TENM3: variants seen among roughly 807,000 people sequenced by gnomAD.
TENM3 encodes the protein teneurin-3.
TENM3 carries 63 observed loss-of-function variants against 255.1 expected under a neutral mutation model. The ratio of observed to expected loss-of-function variants is 0.25; its 90% CI spans 0.20 to 0.30. The LOEUF is 0.30. Among genes scored for constraint, TENM3 ranks in the 10% least tolerant of loss-of-function variants. The pLI is 1.00. For synonymous variants in TENM3, 1,306 were observed against 1,322.3 expected, an observed-to-expected ratio of 0.99 and a Z score of 0.27; for missense variants, 2,929 against 3,461.1, an observed-to-expected ratio of 0.85 and a Z score of 3.86.
the TENM3 span, chr4:181,906,184 C>A: frequency 8.1e-6 from 2 of 246,694 alleles, no homozygotes; most frequent in South Asian, 1.0e-4. Flanking sequence ...TTAAGAAGTT[C>A]ATCATCTGTT....
chr4:181,854,458 T>G, the TENM3 span, among the ~76,000 whole-genome samples: 2 of 152,178 alleles, frequency 1.3e-5, no homozygotes, highest in African/African-American at 4.8e-5. Flanking sequence ...CAAACTACGG[T>G]ATCTTTCCCT....
intron 3 of TENM3, among the ~76,000 whole-genome samples, chr4:182,413,235 GA>G (rs911199374): frequency 2.2e-4 from 33 of 149,834 alleles, no homozygotes; most frequent in Non-Finnish European, 3.6e-4. Context: ...GGATAGGCAG[GA>G]AAAAAAAAGA....
chr4:181,847,052 T>C, the TENM3 span, among the ~76,000 whole-genome samples: 1 of 152,210 alleles, frequency 6.6e-6, no homozygotes, highest in African/African-American at 2.4e-5. Flanking sequence ...GCAATGACCT[T>C]ACTGTCCTGC....
chr4:182,032,723 T>C, the TENM3 span, among the ~76,000 whole-genome samples: 26 of 152,284 alleles, frequency 1.7e-4, no homozygotes, highest in African/African-American at 6.3e-4. Context: ...CTGCCTCAAT[T>C]TGATAACTTG....
At chr4:181,458,172 G>T in the TENM3 span, among the ~76,000 whole-genome samples, 15 of 151,880 alleles carry the variant, frequency 9.9e-5, no homozygotes, top group African/African-American at 3.6e-4. Context: ...TAAAAATCAA[G>T]ATAATATATT....
At chr4:181,873,107 G>T in the TENM3 span, among the ~76,000 whole-genome samples, 16 of 151,150 alleles carry the variant, frequency 1.1e-4, no homozygotes, top group African/African-American at 2.9e-4. Context: ...TCGCTTTGTC[G>T]CCCAGGCTGG....
At chr4:181,728,971 G>T in the TENM3 span, among the ~76,000 whole-genome samples, 2 of 152,140 alleles carry the variant, frequency 1.3e-5, no homozygotes, top group African/African-American at 4.8e-5. Context: ...TAACAAATGA[G>T]AAGTTATTCA....
At chr4:181,915,983 C>T in the TENM3 span, among the ~76,000 whole-genome samples, 1 of 152,106 alleles carries the variant, frequency 6.6e-6, no homozygotes, top group African/African-American at 2.4e-5. Context: ...AAGTAAAATC[C>T]TTCTGTGGCT....
the TENM3 span, among the ~76,000 whole-genome samples, chr4:182,133,143 T>C: frequency 1.2e-4 from 19 of 152,276 alleles, 1 homozygote; most frequent in Non-Finnish European, 2.4e-4. Context: ...ACTTTAAATC[T>C]GCAATATAAG....
chr4:182,615,042 A>AAT (rs1553999649), intron 4 of TENM3, among the ~76,000 whole-genome samples: 3 of 57,462 alleles, frequency 5.2e-5, no homozygotes, highest in Non-Finnish European at 1.2e-4. Context: ...AAAAAAAAAA[A>AAT]ATACATATAT....
intron 3 of TENM3, among the ~76,000 whole-genome samples, chr4:182,416,365 T>A (rs1770357205): frequency 6.6e-6 from 1 of 152,076 alleles, no homozygotes; most frequent in Non-Finnish European, 1.5e-5. Context: ...AAACAAAAAG[T>A]AGGCAGTGAG....
the TENM3 span, among the ~76,000 whole-genome samples, chr4:181,709,239 ACCTGCTACAGGTATTGTTTTG>A: frequency 5.3e-5 from 8 of 152,276 alleles, no homozygotes; most frequent in South Asian, 2.1e-4. Flanking sequence ...GTATTGTTTT[ACCTGCTACAGGTATTGTTTTG>A]CCTGCTACAG....
chr4:182,220,574 C>T (rs1012305958), intron 1 of TENM3, among the ~76,000 whole-genome samples: 1 of 151,962 alleles, frequency 6.6e-6, no homozygotes, highest in Non-Finnish European at 1.5e-5. Flanking sequence ...GCTGTGAGTC[C>T]GTGGCCCTGT....
At chr4:181,677,789 T>C in the TENM3 span, among the ~76,000 whole-genome samples, 1 of 152,112 alleles carries the variant, frequency 6.6e-6, no homozygotes, top group Non-Finnish European at 1.5e-5. Flanking sequence ...GAGTCTCATT[T>C]CATACTCGCA....
At position 182,161,712 on chromosome 4, in the gene TENM3, T is replaced by A. The variant is rs71636173; in HGVS notation, c.-76+16958T>A. 9.8e-4 allele frequency among the ~76,000 whole-genome samples: 7 copies of A among 7,148 alleles called. 1 individual carries two copies. In the South Asian group the frequency reaches 0.027, roughly 27 times the overall value. The allele number at this position is 7,148 out of a possible 152,430, so 4.7% of individuals were successfully genotyped here. ...ACAAATATATATGTATATATATACA[T>A]ATATATGTGTATATATATATACACA... is the stretch of plus-strand genomic sequence containing the variant. On this transcript the variant is annotated intron_variant, in intron 1 of 2. Coordinates refer to the TENM3 transcript ENST00000512480.
chr4:181,798,521 C>T, the TENM3 span, among the ~76,000 whole-genome samples: 1 of 152,034 alleles, frequency 6.6e-6, no homozygotes, highest in African/African-American at 2.4e-5. Context: ...GGAAAAGGCC[C>T]CTGTGAGTTC....
chr4:182,028,825 A>G, the TENM3 span, among the ~76,000 whole-genome samples: 1 of 151,938 alleles, frequency 6.6e-6, no homozygotes, highest in East Asian at 1.9e-4. Flanking sequence ...TATTATTTCA[A>G]TTTTTTAAAT....
intron 22 of TENM3, among the ~76,000 whole-genome samples, chr4:182,769,022 A>G (rs1763955000): frequency 6.6e-6 from 1 of 152,230 alleles, no homozygotes; most frequent in African/African-American, 2.4e-5. Flanking sequence ...CAAAAAGCTA[A>G]TAAAGGAAAA....
intron 1 of TENM3, among the ~76,000 whole-genome samples, chr4:182,160,539 A>G (rs1427143323): frequency 2.0e-5 from 3 of 152,224 alleles, no homozygotes; most frequent in Admixed American, 1.3e-4. Flanking sequence ...TCACAGAATT[A>G]CTTAGCATTT....
Sources: allele counts gnomAD v4.1 joint callset (sites outside exome capture counted in the v4.1 genomes callset), GRCh38; gene constraint gnomAD v4.1.1; transcripts MANE v1.5; gene names NCBI Gene and HGNC (gene_info 2026-07-23, HGNC 2026-07-21).